Variants in GRB14 observed in about 807,000 individuals in gnomAD.
GRB14 encodes the protein growth factor receptor bound protein 14, also known as growth factor receptor-bound protein 14.
GRB14 carries 38 observed loss-of-function variants against 69.1 expected under a neutral mutation model. That is an observed-to-expected ratio of 0.55 (90% CI 0.42 to 0.72). The LOEUF (loss-of-function observed/expected upper bound fraction) is 0.72, where lower values mean the gene tolerates loss of function less well. Among genes scored for constraint, GRB14 ranks in the 30% least tolerant of loss-of-function variants. GRB14 has a pLI of 0.00. For missense variants in GRB14, 666 were observed against 666.1 expected (o/e 1.00, Z 0.00); for synonymous variants, 247 against 241.3 (o/e 1.02, Z -0.22).
chr2:164,574,104 C>G (rs1689186739), intron 2 of GRB14: 1 of 744,624 alleles, frequency 1.3e-6, no homozygotes, highest in African/African-American at 1.8e-5. Flanking sequence ...TCATCATACT[C>G]TACTATGAAT....
chr2:164,559,696 C>G (rs1343297698), intron 2 of GRB14, among the ~76,000 whole-genome samples: 1 of 152,088 alleles, frequency 6.6e-6, no homozygotes, highest in African/African-American at 2.4e-5. Flanking sequence ...GACTGATGGG[C>G]ATTTGGGTTG....
intron 2 of GRB14, among the ~76,000 whole-genome samples, chr2:164,613,910 A>T (rs1690223871): frequency 6.6e-6 from 1 of 152,228 alleles, no homozygotes. Context: ...CAGTTTGAAA[A>T]TGGTAGAGAT....
intron 2 of GRB14, among the ~76,000 whole-genome samples, chr2:164,599,374 T>C (rs555236831): frequency 1.4e-4 from 22 of 152,322 alleles, no homozygotes; most frequent in African/African-American, 4.1e-4. Flanking sequence ...CAATGAGAAA[T>C]GTAGTAAAGA....
At chr2:164,568,037 A>C (rs1251851848) in intron 2 of GRB14, among the ~76,000 whole-genome samples, 1 of 152,190 alleles carries the variant, frequency 6.6e-6, no homozygotes, top group Admixed American at 6.5e-5. Context: ...AAAAAAAGGA[A>C]AAGTTTCAAT....
intron 8 of GRB14, among the ~76,000 whole-genome samples, chr2:164,507,245 G>GGTAAAAAT (rs1310145511): frequency 1.3e-5 from 2 of 152,006 alleles, no homozygotes; most frequent in African/African-American, 4.8e-5. Flanking sequence ...GAGCAGAAGA[G>GGTAAAAAT]GTAAAAATGG....
At position 164,553,460 on chromosome 2, in the gene GRB14, AG is replaced by A. The variant is rs201871170; in HGVS notation, c.325-5645del. Among the ~76,000 whole-genome samples, 966 of 152,322 alleles carry A rather than the reference AG, an allele frequency of 6.3e-3. 9 individuals are homozygous for A. Among genetic ancestry groups the A allele is most frequent in the African/African-American group, 0.022 (924 of 41,568 alleles). The stretch of plus-strand genomic sequence containing the variant: ...ATATTTTTGTTTGAAATCCATTTCA[AG>A]CCCTTATTTTTTAAAAATCCTATTT... On this transcript the variant is annotated intron_variant, in intron 2 of 13. Transcript: ENST00000263915.
intron 2 of GRB14, among the ~76,000 whole-genome samples, chr2:164,570,661 T>TGA (rs1261898155): frequency 1.3e-5 from 2 of 152,194 alleles, no homozygotes; most frequent in Admixed American, 1.3e-4. Context: ...TGAAAACTGA[T>TGA]GTGAACACAG....
intron 2 of GRB14, among the ~76,000 whole-genome samples, chr2:164,567,447 A>T (rs1232926430): frequency 1.3e-5 from 2 of 152,188 alleles, no homozygotes; most frequent in Non-Finnish European, 2.9e-5. Context: ...TTAACAGTTA[A>T]CTATTAAAAG....
chr2:164,574,213 A>G (rs1266340370), intron 2 of GRB14, among the ~76,000 whole-genome samples: 2 of 151,972 alleles, frequency 1.3e-5, no homozygotes, highest in African/African-American at 4.8e-5. Context: ...TCTAACAGTG[A>G]AGTAACCAAA....
intron 2 of GRB14, among the ~76,000 whole-genome samples, chr2:164,601,351 T>C (rs1689909094): frequency 6.6e-6 from 1 of 151,946 alleles, no homozygotes. Flanking sequence ...ACTATGGAGG[T>C]AGAGGGAGAT....
intron 3 of GRB14, among the ~76,000 whole-genome samples, chr2:164,547,242 G>C (rs1688403400): frequency 1.3e-5 from 2 of 152,168 alleles, no homozygotes; most frequent in Admixed American, 1.3e-4. Flanking sequence ...GCAAGACAGC[G>C]ATATGTGAGC....
intron 6 of GRB14, among the ~76,000 whole-genome samples, chr2:164,518,613 G>C (rs1216425047): frequency 6.6e-6 from 1 of 151,996 alleles, no homozygotes; most frequent in Non-Finnish European, 1.5e-5. Flanking sequence ...AAAATTGATA[G>C]ACCATTAGCC....
At chr2:164,586,199 A>C (rs1161791920) in intron 2 of GRB14, among the ~76,000 whole-genome samples, 2 of 152,220 alleles carry the variant, frequency 1.3e-5, no homozygotes, top group Non-Finnish European at 2.9e-5. Flanking sequence ...AGAGCATGGG[A>C]TAGATCTGGG....
At chr2:164,574,177 A>C (rs1574323431) in intron 2 of GRB14, 1 of 587,004 alleles carries the variant, frequency 1.7e-6, no homozygotes. Flanking sequence ...GATCTGATCC[A>C]CCACTAGCCA....
At chr2:164,549,125 C>A (rs1688461097) in intron 2 of GRB14, among the ~76,000 whole-genome samples, 1 of 152,146 alleles carries the variant, frequency 6.6e-6, no homozygotes, top group Non-Finnish European at 1.5e-5. Context: ...GGTGATCTGC[C>A]TTCCTCACCC....
At position 164,547,758 on chromosome 2, in the gene GRB14, A is replaced by G. The variant is rs1688419025; in HGVS notation, c.383T>C (p.Ile128Thr). 1.9e-6 allele frequency: 3 copies of G among 1,613,694 alleles called. No homozygotes were observed. Among genetic ancestry groups the G allele is most frequent in the South Asian group, 2.2e-5 (2 of 91,064 alleles). ...TSRALDVPSD[I>T]TARDVCQLLI... is the part of the protein sequence containing the mutation. ...CAGCTGACAAACATCTCGAGCCGTT[A>G]TGTCACTGGGTACATCTAAAGCCCT... Residue 128 changes from isoleucine to threonine, a missense_variant, in exon 3 of 14, where the codon ATA (isoleucine) becomes ACA (threonine). By Grantham distance (89) the Ile-to-Thr change is moderately conservative. Coordinates refer to ENST00000263915, the MANE Select transcript of GRB14 (RefSeq NM_004490.3).
chr2:164,534,899 T>A (rs1273336320), intron 3 of GRB14, among the ~76,000 whole-genome samples: 3 of 152,108 alleles, frequency 2.0e-5, no homozygotes, highest in Non-Finnish European at 4.4e-5. Context: ...TTTTAAAACT[T>A]TATAAAATCC....
intron 8 of GRB14, 105 bp downstream of exon 8, chr2:164,508,350 T>G: frequency 1.2e-6 from 1 of 817,608 alleles, no homozygotes; most frequent in Non-Finnish European, 2.0e-6. Context: ...TTCTTCTTTC[T>G]CATGTAGCCA....
In GRB14 at chr2:164,527,058, A is replaced by G; in HGVS notation, c.559T>C (p.Phe187Leu). Residue 187 changes from phenylalanine (F) to leucine (L), a missense_variant, in exon 4 of 14, where the codon TTT (phenylalanine) becomes CTT (leucine). Transcript: ENST00000263915. ...WGIEEENKLY[F>L]RKNYAKYEFF... Reference sequence around the variant, plus strand: ...TCATATTTGGCATAATTTTTTCTAAAGTATAGTTTGTTTTCTTCTTCTATC... The same window carrying G: ...TCATATTTGGCATAATTTTTTCTAAGGTATAGTTTGTTTTCTTCTTCTATC... 1 of 1,597,332 alleles carries G rather than the reference A, an allele frequency of 6.3e-7. No individual in the cohort carries two copies. The highest frequency in any genetic ancestry group is 8.6e-7 in the Non-Finnish European group (1 of 1,167,258).
Sources: allele counts gnomAD v4.1 joint callset (sites outside exome capture counted in the v4.1 genomes callset), GRCh38; gene constraint gnomAD v4.1.1; transcripts MANE v1.5; gene names NCBI Gene and HGNC (gene_info 2026-07-23, HGNC 2026-07-21).